Variants in PPP6R2 observed in about 807,000 individuals in gnomAD.
The protein encoded by PPP6R2 is protein phosphatase 6 regulatory subunit 2, also known as serine/threonine-protein phosphatase 6 regulatory subunit 2.
Under a neutral mutation model 100.2 loss-of-function variants are expected in PPP6R2, and 62 were observed. That is an observed-to-expected ratio of 0.62 (90% CI 0.50 to 0.76). The LOEUF is 0.76. PPP6R2 is among the 30% of genes least tolerant of loss of function. The probability of loss-of-function intolerance (pLI) is 0.00; values close to 1 mark genes in which losing one functional copy is unlikely to be tolerated. For synonymous variants in PPP6R2, 525 were observed against 514.7 expected, an observed-to-expected ratio of 1.02 and a Z score of -0.27; for missense variants, 1,142 against 1,276.3, an observed-to-expected ratio of 0.89 and a Z score of 1.60.
Position 50,369,236 on chromosome 22 carries a change from C to CT in PPP6R2, c.-147-2783dup, listed in dbSNP as rs571900084. On this transcript the variant is annotated intron_variant, in intron 1 of 23. Transcript: ENST00000612753. ...CTGGGCAACAAGAGTGAAATTCCATCTAAAAAAAAAAAAAGAAAACACATT... is the reference window on the plus strand; with the variant it reads ...CTGGGCAACAAGAGTGAAATTCCATCTTAAAAAAAAAAAAAGAAAACACATT... 5.8e-3 allele frequency among the ~76,000 whole-genome samples: 775 copies of CT among 133,610 alleles called. 3 individuals are homozygous for CT. Among genetic ancestry groups the CT allele is most frequent in the African/African-American group, 0.023 (715 of 30,722 alleles). 87.7% of individuals were successfully genotyped at this position (133,610 alleles called of 152,430 possible). A position where few individuals can be genotyped will look rare whatever the true frequency, so the allele number is the denominator to read the frequency against.
At position 50,408,790 on chromosome 22, in the gene PPP6R2, C is replaced by T. The variant is rs183734092; in HGVS notation, c.414+1915C>T. ...CCATTCTCTCACCCAGTACTTAAGG[C>T]ATTAAAGTAATATGAACTGAACTGT... On this transcript the variant is annotated intron_variant, in intron 4 of 23. Transcript: ENST00000612753. 4.3e-3 allele frequency among the ~76,000 whole-genome samples: 650 copies of T among 152,340 alleles called. 2 individuals are homozygous for T. The highest frequency in any genetic ancestry group is 6.6e-3 in the Non-Finnish European group (449 of 68,038).
intron 2 of PPP6R2, among the ~76,000 whole-genome samples, chr22:50,388,721 A>G (rs1353476390): frequency 6.6e-6 from 1 of 152,052 alleles, no homozygotes; most frequent in African/African-American, 2.4e-5. Flanking sequence ...AAAATACAAA[A>G]GTTAGCTGGG....
At chr22:50,403,295 A>G (rs748750870) in intron 3 of PPP6R2, among the ~76,000 whole-genome samples, 7 of 151,992 alleles carry the variant, frequency 4.6e-5, no homozygotes, top group Non-Finnish European at 7.4e-5. Flanking sequence ...CTTACGTTTG[A>G]TCTTCCTCCT....
At chr22:50,373,486 G>A (rs1423586856) in intron 2 of PPP6R2, among the ~76,000 whole-genome samples, 3 of 151,522 alleles carry the variant, frequency 2.0e-5, no homozygotes, top group Non-Finnish European at 4.4e-5. Context: ...CTCGTGATCC[G>A]CCCGCCTCGG....
intron 3 of PPP6R2, 67 bp from the exon 4 acceptor site, chr22:50,406,621 TG>T: frequency 2.8e-6 from 4 of 1,452,042 alleles, no homozygotes; most frequent in Non-Finnish European, 2.9e-6. Flanking sequence ...AAGCAGACTA[TG>T]TAAGCAGCTT....
intron 1 of PPP6R2, among the ~76,000 whole-genome samples, chr22:50,356,375 C>G (rs116735347): frequency 0.037 from 5,344 of 144,796 alleles, 138 homozygotes; most frequent in East Asian, 0.12. Context: ...TGATCGTTGT[C>G]ACAGAAGTCT....
chr22:50,353,093 A>G (rs2148129500), intron 1 of PPP6R2, among the ~76,000 whole-genome samples: 1 of 152,322 alleles, frequency 6.6e-6, no homozygotes, highest in South Asian at 2.1e-4. Context: ...CCGTGTCAGC[A>G]ATAAAGCTGC....
intron 1 of PPP6R2, among the ~76,000 whole-genome samples, chr22:50,359,060 C>T (rs1009429745): frequency 1.5e-5 from 2 of 131,908 alleles, no homozygotes; most frequent in Non-Finnish European, 3.1e-5. Context: ...AGTTCAGTGG[C>T]GCGATCTCCA....
rs1005841439 is a variant in PPP6R2, at chr22:50,443,994, G to A, written c.2708G>A (p.Gly903Asp). ...VAITTALSKA[G>D]PAIPTPAVSS... ...ATCACCACAGCACTGAGCAAGGCTG[G>A]CCCCGCCATACCCACCCCAGCAGTC... is the stretch of plus-strand genomic sequence containing the variant. Residue 903 changes from glycine to aspartate, a missense_variant, in exon 23 of 24, where the codon GGC (glycine) becomes GAC (aspartate). Around this residue, in one of 2 missense-constraint regions of PPP6R2, gnomAD observed 550 missense variants for 517.4 expected, o/e 1.06. Coordinates refer to ENST00000612753, the MANE Select transcript of PPP6R2 (RefSeq NM_001242898.2). 1.9e-6 allele frequency: 3 copies of A among 1,612,472 alleles called. No individual in the cohort carries two copies. The highest frequency in any genetic ancestry group is 1.7e-6 in the Non-Finnish European group (2 of 1,179,778).
At chr22:50,436,689 G>A (rs2064358475) in intron 14 of PPP6R2, among the ~76,000 whole-genome samples, 1 of 152,248 alleles carries the variant, frequency 6.6e-6, no homozygotes, top group African/African-American at 2.4e-5. Context: ...TGCAGAGCCG[G>A]TGTTGGCCTC....
At chr22:50,353,854 T>C (rs976468984) in intron 1 of PPP6R2, among the ~76,000 whole-genome samples, 2 of 100,454 alleles carry the variant, frequency 2.0e-5, no homozygotes, top group East Asian at 2.0e-4. Context: ...GGCTAACTTT[T>C]AAAAATATTT....
chr22:50,411,624 G>A (rs749526418), intron 4 of PPP6R2, among the ~76,000 whole-genome samples: 4 of 151,826 alleles, frequency 2.6e-5, no homozygotes, highest in South Asian at 2.1e-4. Context: ...CGTGGTGGCC[G>A]GCACCTGTAA....
intron 3 of PPP6R2, among the ~76,000 whole-genome samples, chr22:50,401,992 A>G (rs1246546592): frequency 3.9e-5 from 6 of 152,202 alleles, no homozygotes; most frequent in Non-Finnish European, 7.3e-5. Flanking sequence ...AAAAGCTTCA[A>G]GTTCTCATTC....
intron 3 of PPP6R2, among the ~76,000 whole-genome samples, chr22:50,394,994 T>C (rs1480195559): frequency 6.6e-6 from 1 of 151,838 alleles, no homozygotes; most frequent in Non-Finnish European, 1.5e-5. Context: ...TTTAGGTTGG[T>C]ACACGTCAGA....
intron 3 of PPP6R2, among the ~76,000 whole-genome samples, chr22:50,397,536 T>C (rs1569403539): frequency 8.3e-6 from 1 of 120,558 alleles, no homozygotes; most frequent in East Asian, 2.4e-4. Flanking sequence ...TGACTTGGGA[T>C]GCTGGGGGGC....
chr22:50,443,434 G>A (rs2066292732), intron 22 of PPP6R2: 1 of 162,556 alleles, frequency 6.2e-6, no homozygotes, highest in Non-Finnish European at 1.3e-5. Flanking sequence ...GGCCAGGCTG[G>A]GCCTTGGGGT....
At chr22:50,338,969 G>C (rs2042336261), upstream of PPP6R2, among the ~76,000 whole-genome samples, 1 of 142,578 alleles carries the variant, frequency 7.0e-6, no homozygotes, top group African/African-American at 2.6e-5. Flanking sequence ...TGTGTAGGGT[G>C]TGTGGTGTGT....
intron 1 of PPP6R2, among the ~76,000 whole-genome samples, chr22:50,367,034 G>A (rs576157291): frequency 8.0e-4 from 121 of 151,160 alleles, no homozygotes; most frequent in South Asian, 1.7e-3. Context: ...GGTCTGTTCC[G>A]TCTTGGCCAG....
In PPP6R2 at chr22:50,436,977, CTG is replaced by C. The variant is rs1352490472; in HGVS notation, c.1603-7_1603-6del. ...GGCTCACACGCCCACCCCATCTGGCCTGTGTTTTAGGTGAGCACTCACCACCT... is the reference window on the plus strand; with the variant it reads ...GGCTCACACGCCCACCCCATCTGGCCTGTTTTAGGTGAGCACTCACCACCT... On this transcript the variant is annotated splice_polypyrimidine_tract_variant and intron_variant, in intron 14 of 23. Transcript: ENST00000612753. 1.9e-6 allele frequency: 3 copies of C among 1,553,194 alleles called. No homozygotes were observed. Among genetic ancestry groups the C allele is most frequent in the Non-Finnish European group, 2.6e-6 (3 of 1,148,304 alleles).
Sources: gnomAD v4.1 joint callset for allele counts (sites outside exome capture counted in the v4.1 genomes callset) on GRCh38, gnomAD v4.1.1 for gene constraint, gnomAD v4.1.1 regional missense constraint, MANE v1.5 for transcripts, NCBI Gene and HGNC (gene_info 2026-07-23, HGNC 2026-07-21) for gene names.